The following C5 variants were observed in gnomAD, a reference collection of about 807,000 sequenced individuals.
The protein encoded by C5 is C3 and PZP-like alpha-2-macroglobulin domain-containing protein 4.
In C5, 140 loss-of-function variants were observed where a neutral mutation model predicts 218.8. That is an observed-to-expected ratio of 0.64 (90% CI 0.56 to 0.74). The LOEUF (loss-of-function observed/expected upper bound fraction) is 0.74, where lower values mean the gene tolerates loss of function less well. C5 is among the 30% of genes least tolerant of loss of function. The pLI is 0.00. For missense variants in C5, 1,700 were observed against 1,969.6 expected, an observed-to-expected ratio of 0.86 and a Z score of 2.59; for synonymous variants, 614 against 682.3, an observed-to-expected ratio of 0.90 and a Z score of 1.56.
Position 121,016,288 on chromosome 9 carries a change from G to A in C5, c.1962C>T (p.Leu654=), listed in dbSNP as rs762921688. Reference sequence around the variant, plus strand: ...GGGAGTCATCTGCATTTGCATTAGTGAGGAAGGTAAGTCCAGCTAGGTGGA... The same window carrying A: ...GGGAGTCATCTGCATTTGCATTAGTAAGGAAGGTAAGTCCAGCTAGGTGGA... The part of the protein sequence containing the change: ...NVFHLAGLTF[L]TNANADDSQE... Residue 654 remains leucine, a synonymous_variant, in exon 15 of 41, where the codon CTC becomes CTT. Coordinates refer to ENST00000223642, the MANE Select transcript of C5 (RefSeq NM_001735.3). 1.5e-5 allele frequency: 25 copies of A among 1,614,084 alleles called. No homozygotes were observed. The South Asian group carries it at 1.6e-4, about 11-fold the overall frequency.
intron 5 of C5, among the ~76,000 whole-genome samples, chr9:121,034,556 C>CA (rs1304657368): frequency 6.6e-6 from 1 of 152,164 alleles, no homozygotes; most frequent in East Asian, 1.9e-4. Context: ...TTTTTTATGA[C>CA]AAAAAAACCT....
upstream of C5, among the ~76,000 whole-genome samples, chr9:121,050,721 T>C (rs1019707861): frequency 1.3e-5 from 2 of 152,160 alleles, no homozygotes; most frequent in Admixed American, 1.3e-4. Flanking sequence ...TGATCTTTTT[T>C]TGGTGACCTG....
chr9:121,024,619 A>G (rs1014890512), intron 9 of C5, among the ~76,000 whole-genome samples: 1 of 151,908 alleles, frequency 6.6e-6, no homozygotes, highest in Non-Finnish European at 1.5e-5. Context: ...GAGGGTTTCT[A>G]TTTCACCCTG....
At chr9:121,019,275 G>A (rs1347707086) in intron 12 of C5, among the ~76,000 whole-genome samples, 1 of 152,006 alleles carries the variant, frequency 6.6e-6, no homozygotes, top group Non-Finnish European at 1.5e-5. Flanking sequence ...TTTATCTATG[G>A]TCCTCATTAC....
At chr9:121,046,832 T>C (rs1212766406) in intron 1 of C5, among the ~76,000 whole-genome samples, 1 of 152,140 alleles carries the variant, frequency 6.6e-6, no homozygotes, top group Non-Finnish European at 1.5e-5. Context: ...AATCGCCTTC[T>C]TTACCAGGCT....
chr9:121,031,681 C>G (rs578142898), intron 6 of C5, among the ~76,000 whole-genome samples: 1 of 152,190 alleles, frequency 6.6e-6, no homozygotes, highest in Admixed American at 6.5e-5. Flanking sequence ...TCTAGCCATA[C>G]GTACAGGCTG....
intron 11 of C5, among the ~76,000 whole-genome samples, chr9:121,020,555 G>T (rs1388403974): frequency 6.6e-6 from 1 of 152,192 alleles, no homozygotes. Context: ...GGGAAGTAGT[G>T]GGGAGGTAGC....
chr9:121,048,537 A>G (rs2047647288), intron 1 of C5, among the ~76,000 whole-genome samples: 1 of 152,212 alleles, frequency 6.6e-6, no homozygotes, highest in South Asian at 2.1e-4. Flanking sequence ...CCATGGAAAC[A>G]TTGTCTTCCA....
intron 25 of C5, among the ~76,000 whole-genome samples, chr9:120,983,380 G>C (rs1281641099): frequency 6.6e-6 from 1 of 152,068 alleles, no homozygotes; most frequent in Non-Finnish European, 1.5e-5. Flanking sequence ...ACCCATCGAA[G>C]AGTATCAGAG....
Position 121,050,170 on chromosome 9 carries a change from T to A in C5, c.65+12A>T, listed in dbSNP as rs781545776. ...GATGCATTGAAAAATGAAGATAGCT[T>A]GTTTTACTTACGTTTGCTCCTGTCC... is the stretch of plus-strand genomic sequence containing the variant. On this transcript the variant is annotated intron_variant, in intron 1 of 40. Transcript: ENST00000223642. 1 of 1,599,438 alleles carries A rather than the reference T, an allele frequency of 6.3e-7. No homozygotes were observed. The highest frequency in any genetic ancestry group is 8.6e-7 in the Non-Finnish European group (1 of 1,166,822).
At chr9:121,069,796 G>C in the C5 span, among the ~76,000 whole-genome samples, 1 of 152,210 alleles carries the variant, frequency 6.6e-6, no homozygotes, top group Admixed American at 6.5e-5. Context: ...TTACAGGTGT[G>C]AGTCACCTTG....
At chr9:120,970,974 C>A (rs1173776095) in intron 31 of C5, among the ~76,000 whole-genome samples, 1 of 152,044 alleles carries the variant, frequency 6.6e-6, no homozygotes, top group East Asian at 1.9e-4. Context: ...GAGTTTGAGA[C>A]CAGCCTGGTC....
chr9:121,004,489 C>T (rs905226645), intron 20 of C5, among the ~76,000 whole-genome samples: 1 of 152,012 alleles, frequency 6.6e-6, no homozygotes, highest in African/African-American at 2.4e-5. Flanking sequence ...AGAGCTTATT[C>T]GAGCCCAGGA....
In C5 at chr9:120,957,360, C is replaced by A; in HGVS notation, c.4687G>T (p.Val1563Phe). The change falls in exon 39 of 41, where the codon GTT (valine) becomes TTT (phenylalanine). Residue 1563 changes from valine (V) to phenylalanine (F), a missense_variant. Coordinates refer to ENST00000223642, the MANE Select transcript of C5 (RefSeq NM_001735.3). ...CKPEIAYAYKVSITSITVENV... is the reference protein window; with the variant it reads ...CKPEIAYAYKFSITSITVENV... ...TCTACAGTGATGGATGTGATGCTAA[C>A]TTTATAAGCTGGCAAAAGACAAACA... 1 of 1,612,182 alleles carries A rather than the reference C, an allele frequency of 6.2e-7. No individual in the cohort carries two copies. Among genetic ancestry groups the A allele is most frequent in the South Asian group, 1.1e-5 (1 of 91,042 alleles).
rs1190024494 is a variant in C5 at position 120,991,298 on chromosome 9, T to G, written c.2852-18A>C. The G allele has an allele frequency of 6.9e-6, 10 of 1,459,160 alleles. No individual in the cohort carries two copies. Among genetic ancestry groups the G allele is most frequent in the African/African-American group, 1.4e-5 (1 of 71,872 alleles). The allele number at this position is 1,459,160 out of a possible 1,614,324, so 90.4% of individuals were successfully genotyped here. A position where few individuals can be genotyped will look rare whatever the true frequency, so the allele number is the denominator to read the frequency against. ...AATGGTACCTGTAATTTAGAAAATT[T>G]GGATTTATACAGAGTTTCCAGGGGA... On this transcript the variant is annotated intron_variant, in intron 22 of 40. Coordinates refer to ENST00000223642, the MANE Select transcript of C5 (RefSeq NM_001735.3).
In C5 at chr9:120,974,725, TG is replaced by T. The variant is rs1301009918; in HGVS notation, c.4017+53del. 41 of 1,445,644 alleles carry T rather than the reference TG, an allele frequency of 2.8e-5. No homozygotes were observed. In the African/African-American group the frequency reaches 5.7e-4, roughly 20 times the overall value. 89.6% of individuals were successfully genotyped at this position (1,445,644 alleles called of 1,614,324 possible). On this transcript the variant is annotated intron_variant, in intron 30 of 40. Coordinates refer to ENST00000223642, the MANE Select transcript of C5 (RefSeq NM_001735.3). ...TTTATAAAATAAAGAGTGGAACAGA[TG>T]ATTTCAATGGTCTCAGCCAATTGTA...
At chr9:120,968,423 T>C (rs1404665523) in intron 33 of C5, among the ~76,000 whole-genome samples, 3 of 152,244 alleles carry the variant, frequency 2.0e-5, no homozygotes, top group Non-Finnish European at 4.4e-5. Flanking sequence ...ACCCAGCTCC[T>C]TGATTTTGGG....
At chr9:120,980,599 C>CA (rs892818443) in intron 27 of C5, among the ~76,000 whole-genome samples, 1 of 150,910 alleles carries the variant, frequency 6.6e-6, no homozygotes, top group Non-Finnish European at 1.5e-5. Flanking sequence ...CTTTTTTTTT[C>CA]TTTTTTTTTG....
intron 37 of C5, among the ~76,000 whole-genome samples, chr9:120,960,692 A>C (rs1480190419): frequency 1.3e-5 from 2 of 152,162 alleles, no homozygotes; most frequent in African/African-American, 4.8e-5. Flanking sequence ...CTCATTAGCT[A>C]TTGTTAGTGT....
Sources: gnomAD v4.1 joint callset for allele counts (sites outside exome capture counted in the v4.1 genomes callset) on GRCh38, gnomAD v4.1.1 for gene constraint, MANE v1.5 for transcripts, NCBI Gene and HGNC (gene_info 2026-07-23, HGNC 2026-07-21) for gene names.